SKI: variants seen among roughly 807,000 people sequenced by gnomAD.
SKI encodes SKI proto-oncogene.
In SKI, 23 loss-of-function variants were observed where a neutral mutation model predicts 59.3. The ratio of observed to expected loss-of-function variants is 0.39; its 90% confidence interval spans 0.28 to 0.55. The LOEUF is 0.55. Ranked by LOEUF, SKI falls within the 20% of genes least tolerant of loss-of-function variation. The pLI, the probability that SKI is intolerant of heterozygous loss-of-function variation, is 0.67. For synonymous variants in SKI, 673 were observed against 488.6 expected, an observed-to-expected ratio of 1.38 and a Z score of -4.98; for missense variants, 1,017 against 1,038.9, an observed-to-expected ratio of 0.98 and a Z score of 0.29.
At chr1:2,258,503 C>CTTTT (rs779297545) in intron 1 of SKI, among the ~76,000 whole-genome samples, 1 of 134,956 alleles carries the variant, frequency 7.4e-6, no homozygotes, top group Non-Finnish European at 1.6e-5. Flanking sequence ...TGTCATTTTC[C>CTTTT]TTTTTTTTTT....
In SKI at chr1:2,270,949, G is replaced by A. The variant is rs1463324952; in HGVS notation, c.970-32029G>A. Among the ~76,000 whole-genome samples, 1 of 152,242 alleles carries A rather than the reference G, an allele frequency of 6.6e-6. No individual in the cohort carries two copies. The highest frequency in any genetic ancestry group is 1.5e-5 in the Non-Finnish European group (1 of 68,036). On this transcript the variant is annotated intron_variant, in intron 1 of 6. Coordinates refer to ENST00000378536, the MANE Select transcript of SKI (RefSeq NM_003036.4). The surrounding 1 kb of genome is among the most constrained non-coding windows in gnomAD (Gnocchi z 4.1). ...TGTCACCAGGCCAGGCGCTTTCCCT[G>A]TGAATGAGCCGATGGCCGCAAGTGC...
At chr1:2,298,819 C>CGG (rs1640352084) in intron 1 of SKI, among the ~76,000 whole-genome samples, 1 of 152,190 alleles carries the variant, frequency 6.6e-6, no homozygotes, top group Non-Finnish European at 1.5e-5. Context: ...CTGTGGTGGG[C>CGG]GGGCGCGTGT....
chr1:2,238,216 C>T (rs1176923842), intron 1 of SKI, among the ~76,000 whole-genome samples: 2 of 152,248 alleles, frequency 1.3e-5, no homozygotes, highest in East Asian at 3.8e-4. Flanking sequence ...CAGTTTGTCC[C>T]CGTGCCTCCC....
At chr1:2,243,236 G>A (rs541973460) in intron 1 of SKI, among the ~76,000 whole-genome samples, 21 of 152,256 alleles carry the variant, frequency 1.4e-4, no homozygotes, top group Non-Finnish European at 2.8e-4. Flanking sequence ...TTCAGGGCGC[G>A]TGTCAGCACA....
chr1:2,301,398 C>T (rs943178833), intron 1 of SKI, among the ~76,000 whole-genome samples: 6 of 152,250 alleles, frequency 3.9e-5, no homozygotes, highest in South Asian at 2.1e-4. Context: ...GCCTGCCCTG[C>T]GTCCCCGGCC....
At chr1:2,236,475 C>T (rs968367218) in intron 1 of SKI, among the ~76,000 whole-genome samples, 2 of 151,982 alleles carry the variant, frequency 1.3e-5, no homozygotes, top group African/African-American at 4.8e-5. Context: ...GGCGTGATCT[C>T]GGCTCACTGC....
chr1:2,250,630 C>T (rs1639124877), intron 1 of SKI, among the ~76,000 whole-genome samples: 1 of 152,252 alleles, frequency 6.6e-6, no homozygotes, highest in South Asian at 2.1e-4. Context: ...CAGTGGGGTC[C>T]TCCCTGCTAA....
At chr1:2,294,144 C>A (rs1640232129) in intron 1 of SKI, among the ~76,000 whole-genome samples, 1 of 152,178 alleles carries the variant, frequency 6.6e-6, no homozygotes, top group South Asian at 2.1e-4. Context: ...GCTTCCTCTT[C>A]CCCTGAGCGG....
chr1:2,310,069 T>C lies in SKI; in HGVS notation c.*3304T>C, dbSNP rs1325105448. 4 of 151,366 alleles carry C rather than the reference T, an allele frequency of 2.6e-5. No individual in the cohort carries two copies. Among genetic ancestry groups the C allele is most frequent in the Non-Finnish European group, 5.9e-5 (4 of 67,926 alleles). 9.4% of individuals were successfully genotyped at this position (151,366 alleles called of 1,614,324 possible). A position where few individuals can be genotyped will look rare whatever the true frequency, so the allele number is the denominator to read the frequency against. ...CTCTGCTACTCGGAAACTATTTTTATGTAATTAATGTATGCTTTCTTGTTT... is the reference window on the plus strand; with the variant it reads ...CTCTGCTACTCGGAAACTATTTTTACGTAATTAATGTATGCTTTCTTGTTT... On this transcript the variant is annotated 3_prime_UTR_variant, in exon 7 of 7. Transcript: ENST00000378536.
intron 1 of SKI, among the ~76,000 whole-genome samples, chr1:2,234,159 T>A (rs1569674143): frequency 6.6e-6 from 1 of 152,122 alleles, no homozygotes; most frequent in Non-Finnish European, 1.5e-5. Context: ...GGCCGGCTGC[T>A]GAGTCTTCTC....
At chr1:2,294,636 G>A (rs1640243849) in intron 1 of SKI, among the ~76,000 whole-genome samples, 1 of 152,268 alleles carries the variant, frequency 6.6e-6, no homozygotes, top group African/African-American at 2.4e-5. Context: ...TTGCCCAGAA[G>A]TTGTGGGAGG....
chr1:2,261,996 T>C (rs1639397603), intron 1 of SKI, among the ~76,000 whole-genome samples: 1 of 122,770 alleles, frequency 8.1e-6, no homozygotes, highest in South Asian at 3.5e-4. Flanking sequence ...AGAGTTTGGG[T>C]GGGAGTGGTG....
chr1:2,299,258 G>A (rs1332312933), intron 1 of SKI, among the ~76,000 whole-genome samples: 1 of 152,218 alleles, frequency 6.6e-6, no homozygotes, highest in Non-Finnish European at 1.5e-5. Flanking sequence ...CGGGGAGGGG[G>A]GGGGCCACAC....
chr1:2,258,233 A>G (rs917294229), intron 1 of SKI, among the ~76,000 whole-genome samples: 3 of 152,170 alleles, frequency 2.0e-5, no homozygotes, highest in Non-Finnish European at 4.4e-5. Flanking sequence ...GCACACGTGG[A>G]CACACAGGAT....
At chr1:2,253,081 G>A (rs1639196738) in intron 1 of SKI, among the ~76,000 whole-genome samples, 1 of 141,464 alleles carries the variant, frequency 7.1e-6, no homozygotes, top group Admixed American at 7.5e-5. Context: ...GGGTGATGGA[G>A]TGAGACCCTG....
Position 2,303,221 on chromosome 1 carries a change from C to G in SKI, c.1096-64C>G. On this transcript the variant is annotated intron_variant, in intron 2 of 6. Coordinates refer to ENST00000378536, the MANE Select transcript of SKI (RefSeq NM_003036.4). This position sits in a 1 kb window ranked among gnomAD's most constrained non-coding sequence, Gnocchi z 5.6. ...ACTGAGGGCTGGCACCCGGCGCAGC[C>G]TCAGGGACATGAAGTGGCTTGTTTT... The G allele has an allele frequency of 6.2e-7, 1 of 1,602,366 alleles. No individual in the cohort carries two copies. The highest frequency in any genetic ancestry group is 8.5e-7 in the Non-Finnish European group (1 of 1,171,112).
chr1:2,252,363 G>A (rs1361589888), intron 1 of SKI, among the ~76,000 whole-genome samples: 2 of 152,144 alleles, frequency 1.3e-5, no homozygotes, highest in Admixed American at 6.5e-5. Context: ...GGCTGCTGAG[G>A]AGGCTGCCCC....
chr1:2,299,838 G>A (rs1640380568), intron 1 of SKI, among the ~76,000 whole-genome samples: 1 of 152,342 alleles, frequency 6.6e-6, no homozygotes, highest in East Asian at 1.9e-4. Context: ...TGAAACGCAG[G>A]GCCCCCAAGG....
intron 1 of SKI, among the ~76,000 whole-genome samples, chr1:2,299,526 C>T (rs1233981770): frequency 3.9e-5 from 6 of 152,114 alleles, no homozygotes; most frequent in South Asian, 2.1e-4. Context: ...GCGTCTCCCT[C>T]GGCAGCTGTC....
Sources: allele counts gnomAD v4.1 joint callset (sites outside exome capture counted in the v4.1 genomes callset), GRCh38; gene constraint gnomAD v4.1.1; non-coding constraint Gnocchi (gnomAD v3.1); transcripts MANE v1.5; gene names NCBI Gene and HGNC (gene_info 2026-07-23, HGNC 2026-07-21).